Variants in RERG observed in about 807,000 individuals in gnomAD.
The protein encoded by RERG is RAS like estrogen regulated growth inhibitor.
In RERG, 25 loss-of-function variants were observed where a neutral mutation model predicts 23.2. The observed-to-expected ratio is 1.08, with a 90% CI of 0.79 to 1.50. The LOEUF (loss-of-function observed/expected upper bound fraction) is 1.50. RERG is among the 40% of genes most tolerant of loss of function. The probability of loss-of-function intolerance (pLI) is 0.00; values close to 1 mark genes in which losing one functional copy is unlikely to be tolerated. For missense variants in RERG, 253 were observed against 250.1 expected (o/e 1.01, Z -0.08); for synonymous variants, 81 against 89.1 (o/e 0.91, Z 0.51).
chr12:15,128,957 TTC>T lies in RERG; in HGVS notation c.62-7840_62-7839del, dbSNP rs1293476437. On this transcript the variant is annotated intron_variant, in intron 2 of 4. Transcript: ENST00000256953. ...GGGTCTTCTATCACCAACCCTCAAG[TTC>T]ATGTTCTTTTTTACAGCAGTCCTTA... Among the ~76,000 whole-genome samples, 7 of 152,272 alleles carry T rather than the reference TTC, an allele frequency of 4.6e-5. No individual in the cohort carries two copies. In the South Asian group the frequency reaches 8.3e-4, roughly 18 times the overall value.
chr12:15,144,083 G>A (rs1387735413), intron 2 of RERG, among the ~76,000 whole-genome samples: 1 of 152,088 alleles, frequency 6.6e-6, no homozygotes, highest in Non-Finnish European at 1.5e-5. Context: ...AGGGTGTGGA[G>A]TATGAGAGGA....
At position 15,215,777 on chromosome 12, in the gene RERG, G is replaced by C. The variant is rs1460689342; in HGVS notation, c.61+1652C>G. Among the ~76,000 whole-genome samples the C allele has an allele frequency of 1.2e-4, 18 of 152,090 alleles. No individual in the cohort carries two copies. In the East Asian group the frequency reaches 2.9e-3, roughly 24 times the overall value. On this transcript the variant is annotated intron_variant, in intron 2 of 4. Transcript: ENST00000256953. ...AATAATTGAAACAATGTGGGGAAAG[G>C]CAACGAAAACAGGCATCCCAGCTCA...
rs188906384 is a variant in RERG at position 15,152,615 on chromosome 12, T to G, written c.62-31496A>C. On this transcript the variant is annotated intron_variant, in intron 2 of 4. Coordinates refer to ENST00000256953, the MANE Select transcript of RERG (RefSeq NM_032918.3). The stretch of plus-strand genomic sequence containing the variant: ...TGTAGCAGTGCCCTAAGAAGGAAAC[T>G]GGACAAGGATAACTTGAATTGAGGA... Among the ~76,000 whole-genome samples, 267 of 152,248 alleles carry G rather than the reference T, an allele frequency of 1.8e-3. 2 individuals are homozygous for G. Among genetic ancestry groups the G allele is most frequent in the Middle Eastern group, 0.014 (4 of 294 alleles).
At chr12:15,120,750 G>A (rs1055091162) in intron 3 of RERG, among the ~76,000 whole-genome samples, 7 of 151,992 alleles carry the variant, frequency 4.6e-5, no homozygotes, top group African/African-American at 1.5e-4. Context: ...TTCCATGTCC[G>A]TTTTATCCTC....
intron 3 of RERG, among the ~76,000 whole-genome samples, chr12:15,119,978 G>A (rs914699736): frequency 6.6e-6 from 1 of 152,134 alleles, no homozygotes; most frequent in Non-Finnish European, 1.5e-5. Context: ...ACGAAAAAGT[G>A]TGCTGCTTCT....
chr12:15,164,807 T>C (rs1356921649), intron 2 of RERG, among the ~76,000 whole-genome samples: 2 of 152,202 alleles, frequency 1.3e-5, no homozygotes, highest in East Asian at 3.8e-4. Context: ...CAAAGGTGTA[T>C]GAGAATAAGA....
At position 15,128,375 on chromosome 12, in the gene RERG, A is replaced by G. The variant is rs568896906; in HGVS notation, c.62-7256T>C. The stretch of plus-strand genomic sequence containing the variant: ...ATGTAGGCGATGAAGCAGTATGCTA[A>G]AAGCAAATGTTTTCTTATGAGTTTC... On this transcript the variant is annotated intron_variant, in intron 2 of 4. Coordinates refer to ENST00000256953, the MANE Select transcript of RERG (RefSeq NM_032918.3). Among the ~76,000 whole-genome samples the G allele has an allele frequency of 2.0e-5, 3 of 152,362 alleles. No homozygotes were observed. The South Asian group carries it at 6.2e-4, about 32-fold the overall frequency.
chr12:15,116,877 T>A (rs573374534), intron 3 of RERG, among the ~76,000 whole-genome samples: 6 of 152,284 alleles, frequency 3.9e-5, no homozygotes, highest in African/African-American at 1.4e-4. Context: ...AAATAATAAA[T>A]TGAGCCTTTT....
chr12:15,118,771 C>T (rs559732828), intron 3 of RERG, among the ~76,000 whole-genome samples: 3 of 152,046 alleles, frequency 2.0e-5, no homozygotes, highest in African/African-American at 7.2e-5. Flanking sequence ...TCCCTTCTGC[C>T]GTGAGTAAAA....
chr12:15,130,518 T>C (rs971810647), intron 2 of RERG, among the ~76,000 whole-genome samples: 10 of 151,990 alleles, frequency 6.6e-5, no homozygotes, highest in Non-Finnish European at 1.5e-4. Context: ...ATTTCACCTG[T>C]CCTCTTTTTC....
At chr12:15,168,924 T>C (rs1255355438) in intron 2 of RERG, among the ~76,000 whole-genome samples, 3 of 152,188 alleles carry the variant, frequency 2.0e-5, no homozygotes, top group African/African-American at 7.2e-5. Flanking sequence ...GAAAACCAGA[T>C]TTAAAGAAAT....
At chr12:15,125,341 TA>T (rs1427299604) in intron 2 of RERG, among the ~76,000 whole-genome samples, 5 of 152,026 alleles carry the variant, frequency 3.3e-5, no homozygotes, top group South Asian at 4.1e-4. Flanking sequence ...TTATTTATAA[TA>T]AAAAAGTTAG....
At chr12:15,170,406 C>T (rs1330975083) in intron 2 of RERG, among the ~76,000 whole-genome samples, 1 of 151,896 alleles carries the variant, frequency 6.6e-6, no homozygotes, top group Non-Finnish European at 1.5e-5. Flanking sequence ...CCCAGTTTAG[C>T]CCTGAACCTA....
chr12:15,215,516 A>G (rs929385306), intron 2 of RERG, among the ~76,000 whole-genome samples: 4 of 152,184 alleles, frequency 2.6e-5, no homozygotes, highest in African/African-American at 9.7e-5. Flanking sequence ...GAAGATCAGA[A>G]CTGGAAAATG....
At chr12:15,152,626 A>G (rs914987205) in intron 2 of RERG, among the ~76,000 whole-genome samples, 2 of 152,186 alleles carry the variant, frequency 1.3e-5, no homozygotes, top group African/African-American at 4.8e-5. Context: ...GGACAAGGAT[A>G]ACTTGAATTG....
intron 4 of RERG, among the ~76,000 whole-genome samples, chr12:15,110,097 A>G (rs897270045): frequency 1.3e-5 from 2 of 151,894 alleles, no homozygotes; most frequent in Non-Finnish European, 2.9e-5. Flanking sequence ...TTCTTTTCCT[A>G]TCTCAGAGCC....
At chr12:15,109,573 A>AT (rs1863566601) in intron 4 of RERG, 56 bp from the exon 5 acceptor site, 2 of 1,340,116 alleles carry the variant, frequency 1.5e-6, no homozygotes, top group East Asian at 4.7e-5. Context: ...AAATATATGG[A>AT]TGCTGGTAAT....
chr12:15,175,713 A>C (rs1864841662), intron 2 of RERG, among the ~76,000 whole-genome samples: 1 of 152,070 alleles, frequency 6.6e-6, no homozygotes, highest in South Asian at 2.1e-4. Context: ...TTTTCCTTTA[A>C]CATATGTTGT....
At chr12:15,140,262 C>G (rs1193448205) in intron 2 of RERG, among the ~76,000 whole-genome samples, 2 of 152,106 alleles carry the variant, frequency 1.3e-5, no homozygotes, top group African/African-American at 2.4e-5. Context: ...CACTCTTTTT[C>G]TCCCATTTGG....
Sources: allele counts gnomAD v4.1 joint callset (sites outside exome capture counted in the v4.1 genomes callset), GRCh38; gene constraint gnomAD v4.1.1; transcripts MANE v1.5; gene names NCBI Gene and HGNC (gene_info 2026-07-23, HGNC 2026-07-21).